CACNG7: variants seen among roughly 807,000 people sequenced by gnomAD.
CACNG7 encodes the protein voltage-dependent calcium channel gamma-7 subunit.
Under a neutral mutation model 26.3 loss-of-function variants are expected in CACNG7, and 9 were observed. That is an observed-to-expected ratio of 0.34 (90% CI 0.21 to 0.60). CACNG7 has a LOEUF of 0.60. Ranked by LOEUF, CACNG7 falls within the 20% of genes least tolerant of loss-of-function variation. The probability of loss-of-function intolerance (pLI) is 0.81; values close to 1 mark genes in which losing one functional copy is unlikely to be tolerated. For missense variants in CACNG7, 297 were observed against 380.4 expected, an observed-to-expected ratio of 0.78 and a Z score of 1.82; for synonymous variants, 170 against 157.0, an observed-to-expected ratio of 1.08 and a Z score of -0.62.
intron 4 of CACNG7, among the ~76,000 whole-genome samples, chr19:53,924,917 T>A (rs74182514): frequency 6.4e-5 from 7 of 109,294 alleles, no homozygotes; most frequent in Non-Finnish European, 9.5e-5. Flanking sequence ...ATTGGTGGAG[T>A]TGCCCCAGGT....
intron 4 of CACNG7, 124 bp downstream of exon 4, chr19:53,915,629 C>A: frequency 9.2e-7 from 1 of 1,091,252 alleles, no homozygotes; most frequent in South Asian, 1.5e-5. Context: ...TCTCTGAGCC[C>A]CACTTTCCTT....
chr19:53,915,574 C>G, intron 4 of CACNG7, 69 bp downstream of exon 4: 1 of 1,564,942 alleles, frequency 6.4e-7, no homozygotes, highest in African/African-American at 1.4e-5. Context: ...TCCTTTTCCA[C>G]TTAGCCACTT....
rs111313486 is a variant in CACNG7, at chr19:53,941,712, A to G, written c.570+97A>G. 2.2e-4 allele frequency: 322 copies of G among 1,432,908 alleles called. No individual in the cohort carries two copies. In the African/African-American group the frequency reaches 4.5e-3, roughly 20 times the overall value. The allele number at this position is 1,432,908 out of a possible 1,614,324, so 88.8% of individuals were successfully genotyped here. A position where few individuals can be genotyped will look rare whatever the true frequency, so the allele number is the denominator to read the frequency against. On this transcript the variant is annotated intron_variant, in intron 5 of 5. Transcript: ENST00000391767. ...AGGAGGAAGGAGAGGCTGGAGATGC[A>G]GACTCTGGCGTCAGAGGGAGGTGGT...
chr19:53,917,548 GA>G (rs2068906480), intron 4 of CACNG7, among the ~76,000 whole-genome samples: 1 of 152,146 alleles, frequency 6.6e-6, no homozygotes, highest in Non-Finnish European at 1.5e-5. Context: ...CTAACCTGAA[GA>G]GACCTTTTCC....
intron 4 of CACNG7, among the ~76,000 whole-genome samples, chr19:53,927,854 G>A (rs559199592): frequency 8.9e-4 from 125 of 140,576 alleles, no homozygotes; most frequent in African/African-American, 3.4e-3. Context: ...AAAAAAAAAA[G>A]GAAAGAAAAA....
At chr19:53,920,285 T>G (rs2068932374) in intron 4 of CACNG7, among the ~76,000 whole-genome samples, 1 of 104,750 alleles carries the variant, frequency 9.5e-6, no homozygotes, top group Non-Finnish European at 1.9e-5. Context: ...AGGCCTGGTA[T>G]TGGTGGAGTT....
chr19:53,916,305 C>T (rs1215846952), intron 4 of CACNG7, among the ~76,000 whole-genome samples: 1 of 151,700 alleles, frequency 6.6e-6, no homozygotes, highest in Non-Finnish European at 1.5e-5. Flanking sequence ...ACATCGCTAC[C>T]CAGGAGTTAT....
intron 4 of CACNG7, among the ~76,000 whole-genome samples, chr19:53,917,587 AAACTTGAATCACAG>A (rs2068906814): frequency 6.6e-6 from 1 of 152,220 alleles, no homozygotes; most frequent in Admixed American, 6.5e-5. Context: ...ACCTCCGTGC[AAACTTGAATCACAG>A]CGGGTGGAGC....
intron 4 of CACNG7, among the ~76,000 whole-genome samples, chr19:53,934,457 A>G (rs1437029489): frequency 6.6e-6 from 1 of 152,110 alleles, no homozygotes; most frequent in Non-Finnish European, 1.5e-5. Flanking sequence ...CTCCCCATGG[A>G]AAAGGTAGGT....
At position 53,942,191 on chromosome 19, in the gene CACNG7, C is replaced by G. The variant is rs1240074850; in HGVS notation, c.726C>G (p.Ser242Arg). 3 of 1,614,068 alleles carry G rather than the reference C, an allele frequency of 1.9e-6. No homozygotes were observed. The highest frequency in any genetic ancestry group is 2.5e-6 in the Non-Finnish European group (3 of 1,179,970). ...LQPEAWRRGR[S>R]PSDISSDVSI... Reference sequence around the variant, plus strand: ...CCGAGGCGTGGCGCCGCGGCCGGAGCCCCTCCGACATCTCCAGCGACGTGT... The same window carrying G: ...CCGAGGCGTGGCGCCGCGGCCGGAGGCCCTCCGACATCTCCAGCGACGTGT... Residue 242 changes from serine (S) to arginine (R), a missense_variant, in exon 6 of 6, where the codon AGC (serine) becomes AGG (arginine). Ser to Arg is a moderately radical substitution (Grantham distance 110, BLOSUM62 -1). Coordinates refer to ENST00000391767, the MANE Select transcript of CACNG7 (RefSeq NM_031896.5). This position sits in a 1 kb window ranked among gnomAD's most constrained non-coding sequence, Gnocchi z 5.9.
intron 4 of CACNG7, among the ~76,000 whole-genome samples, chr19:53,935,376 G>A (rs558278193): frequency 4.6e-5 from 7 of 150,808 alleles, no homozygotes; most frequent in Admixed American, 4.6e-4. Context: ...AGGCTGGAGT[G>A]CAGTGGCTCA....
Position 53,942,711 on chromosome 19 carries a change from G to C in CACNG7, c.*418G>C, listed in dbSNP as rs1189847082. On this transcript the variant is annotated 3_prime_UTR_variant, in exon 6 of 6. Transcript: ENST00000391767. This position sits in a 1 kb window ranked among gnomAD's most constrained non-coding sequence, Gnocchi z 5.9. ...GGGCGCTGGGCTGGAGAGCAGGTTCGGGCAGCCGTCGGGAATACCGACCAT... is the reference window on the plus strand; with the variant it reads ...GGGCGCTGGGCTGGAGAGCAGGTTCCGGCAGCCGTCGGGAATACCGACCAT... The C allele has an allele frequency of 2.5e-6, 1 of 392,750 alleles. No individual in the cohort carries two copies. Among genetic ancestry groups the C allele is most frequent in the South Asian group, 9.6e-5 (1 of 10,384 alleles). 24.3% of individuals were successfully genotyped at this position (392,750 alleles called of 1,614,324 possible).
At chr19:53,921,713 CTGTCCCAGGCTGGTCATTGGTGGAG>C (rs2068955824) in intron 4 of CACNG7, among the ~76,000 whole-genome samples, 2 of 67,464 alleles carry the variant, frequency 3.0e-5, no homozygotes, top group Non-Finnish European at 4.8e-5. Context: ...ATTGGTGGAG[CTGTCCCAGGCTGGTCATTGGTGGAG>C]TTGCCCCAGG....
In CACNG7 at chr19:53,939,982, C is replaced by T. The variant is rs2145920738; in HGVS notation, c.425-1488C>T. Among the ~76,000 whole-genome samples the T allele has an allele frequency of 6.6e-6, 1 of 152,140 alleles. No homozygotes were observed. The highest frequency in any genetic ancestry group is 2.1e-4 in the South Asian group (1 of 4,808). ...AATGAGGGGGTGAGCTGGGTTTCGT[C>T]CATGGACCATGGTTTGCCGACCACC... On this transcript the variant is annotated intron_variant, in intron 4 of 5. Coordinates refer to ENST00000391767, the MANE Select transcript of CACNG7 (RefSeq NM_031896.5). This position sits in a 1 kb window ranked among gnomAD's most constrained non-coding sequence, Gnocchi z 4.2.
At chr19:53,921,360 A>C (rs1253201805) in intron 4 of CACNG7, among the ~76,000 whole-genome samples, 13 of 114,208 alleles carry the variant, frequency 1.1e-4, no homozygotes, top group African/African-American at 4.6e-4. Flanking sequence ...TCATTGGTGG[A>C]GTCGTCCCCA....
intron 1 of CACNG7, among the ~76,000 whole-genome samples, chr19:53,910,488 T>G (rs2068855830): frequency 6.6e-6 from 1 of 151,902 alleles, no homozygotes; most frequent in African/African-American, 2.4e-5. Context: ...AGAATTCTGG[T>G]GAAGGAAAGT....
At chr19:53,910,816 T>C (rs2145894989) in intron 1 of CACNG7, among the ~76,000 whole-genome samples, 1 of 152,268 alleles carries the variant, frequency 6.6e-6, no homozygotes, top group African/African-American at 2.4e-5. Flanking sequence ...GAGTCTAATG[T>C]TATGAAATCG....
chr19:53,916,491 T>TC (rs1555809996), intron 4 of CACNG7, among the ~76,000 whole-genome samples: 2 of 103,006 alleles, frequency 1.9e-5, no homozygotes, highest in African/African-American at 3.5e-5. Flanking sequence ...TTCTTTCTTT[T>TC]TTTTTTTTTT....
intron 4 of CACNG7, among the ~76,000 whole-genome samples, chr19:53,924,404 TC>T (rs2069003248): frequency 6.9e-6 from 1 of 145,166 alleles, no homozygotes; most frequent in Non-Finnish European, 1.5e-5. Flanking sequence ...CCAGGCCTGG[TC>T]ATTGGTGGAG....
Sources: allele counts gnomAD v4.1 joint callset (sites outside exome capture counted in the v4.1 genomes callset), GRCh38; gene constraint gnomAD v4.1.1; non-coding constraint Gnocchi (gnomAD v3.1); transcripts MANE v1.5; gene names NCBI Gene and HGNC (gene_info 2026-07-23, HGNC 2026-07-21).